The following PROM2 variants were observed in gnomAD, a reference collection of about 807,000 sequenced individuals.
PROM2 encodes prominin 2.
PROM2 carries 90 observed loss-of-function variants against 110.2 expected under a neutral mutation model. The ratio of observed to expected loss-of-function variants is 0.82; its 90% confidence interval spans 0.69 to 0.97. The LOEUF (loss-of-function observed/expected upper bound fraction) is 0.97. Among genes scored for constraint, PROM2 ranks in the 50% least tolerant of loss-of-function variants. The pLI is 0.00. For missense variants in PROM2, 1,009 were observed against 1,074.8 expected, an observed-to-expected ratio of 0.94 and a Z score of 0.86; for synonymous variants, 470 against 467.8, an observed-to-expected ratio of 1.00 and a Z score of -0.06.
At chr2:95,285,262 G>C in intron 15 of PROM2, 147 bp downstream of exon 15, 2 of 996,512 alleles carry the variant, frequency 2.0e-6, no homozygotes, top group Non-Finnish European at 2.9e-6. Context: ...GGTGTCCCCA[G>C]ATCATGTGCC....
chr2:95,286,879 G>A (rs1260375578), intron 18 of PROM2, 22 bp downstream of exon 18: 12 of 1,612,162 alleles, frequency 7.4e-6, no homozygotes, highest in South Asian at 6.6e-5. Flanking sequence ...TGGTGGGGAC[G>A]TATGGTGGAG....
chr2:95,286,596 TG>T, intron 17 of PROM2, 25 bp downstream of exon 17: 1 of 1,594,866 alleles, frequency 6.3e-7, no homozygotes, highest in Non-Finnish European at 8.6e-7. Context: ...CCGGGGAGCC[TG>T]GGGCCTGGGG....
At position 95,284,111 on chromosome 2, in the gene PROM2, G is replaced by C. The variant is rs558115070; in HGVS notation, c.1729-858G>C. ...CCAGGTCTTGGCATTTGGGGCAGGG[G>C]CCTACTGGGAGCCTGTCTGGGGCTT... On this transcript the variant is annotated intron_variant, in intron 14 of 23. Transcript: ENST00000317620. 9.8e-5 allele frequency among the ~76,000 whole-genome samples: 15 copies of C among 152,368 alleles called. No individual in the cohort carries two copies. The South Asian group carries it at 3.1e-3, about 32-fold the overall frequency.
At chr2:95,289,141 G>GGT in intron 23 of PROM2, 83 bp from the exon 24 acceptor site, 3 of 710,274 alleles carry the variant, frequency 4.2e-6, no homozygotes, top group Non-Finnish European at 7.4e-6. Context: ...CTGGGTATTG[G>GGT]GTGTGGCCCA....
At position 95,287,386 on chromosome 2, in the gene PROM2, C is replaced by T. The variant is rs1410871529; in HGVS notation, c.2176-10C>T. On this transcript the variant is annotated splice_polypyrimidine_tract_variant and intron_variant, in intron 19 of 23. Coordinates refer to ENST00000317620, the MANE Select transcript of PROM2 (RefSeq NM_001165978.3). ...ACCCCTACAGCTCAGACCTCCTTTC[C>T]TTCCTGCAGGTGAGTGAGTGTTTCC... The T allele has an allele frequency of 1.2e-6, 2 of 1,614,096 alleles. No individual in the cohort carries two copies. The highest frequency in any genetic ancestry group is 1.7e-6 in the Non-Finnish European group (2 of 1,179,984).
chr2:95,284,854 G>T, intron 14 of PROM2, 115 bp from the exon 15 acceptor site: 1 of 1,195,182 alleles, frequency 8.4e-7, no homozygotes, highest in Non-Finnish European at 1.1e-6. Flanking sequence ...CATGAAATTT[G>T]GAGGGGACAA....
At chr2:95,278,957 T>C (rs760571114) in intron 9 of PROM2, 28 bp from the exon 10 acceptor site, 2 of 1,595,812 alleles carry the variant, frequency 1.3e-6, no homozygotes, top group South Asian at 2.3e-5. Context: ...GCCCTCCGCA[T>C]CCCACAAGTC....
rs959677378 is a variant in PROM2 at position 95,275,296 on chromosome 2, G to A, written c.245-165G>A. Among the ~76,000 whole-genome samples, 6 of 152,250 alleles carry A rather than the reference G, an allele frequency of 3.9e-5. No homozygotes were observed. The highest frequency in any genetic ancestry group is 1.9e-4 in the East Asian group (1 of 5,186). On this transcript the variant is annotated intron_variant, in intron 1 of 23. Transcript: ENST00000317620. This position sits in a 1 kb window ranked among gnomAD's most constrained non-coding sequence, Gnocchi z 4.4. ...CCCTCCTGTAGCAGTGCTGAGGTCA[G>A]GGCAGGATGGCACAGGGCTGCGGTG...
At position 95,275,391 on chromosome 2, in the gene PROM2, T is replaced by C; in HGVS notation, c.245-70T>C. 1.4e-6 allele frequency: 2 copies of C among 1,467,238 alleles called. No homozygotes were observed. The highest frequency in any genetic ancestry group is 1.3e-5 in the South Asian group (1 of 77,664). 90.9% of individuals were successfully genotyped at this position (1,467,238 alleles called of 1,614,324 possible). On this transcript the variant is annotated intron_variant, in intron 1 of 23. Transcript: ENST00000317620. This position sits in a 1 kb window ranked among gnomAD's most constrained non-coding sequence, Gnocchi z 4.4. ...CCTCAGAGCCACTTTGCCCTGGCAG[T>C]GGGGAGAGGAGGGACACAGGGGCAG...
In PROM2 at chr2:95,275,600, C is replaced by T; in HGVS notation, c.294+90C>T. ...AAAAGCCTTGGCTCCCCTTAGCCCACCTCGCTGGGTGTCCACTAGGCAGGG... is the reference window on the plus strand; with the variant it reads ...AAAAGCCTTGGCTCCCCTTAGCCCATCTCGCTGGGTGTCCACTAGGCAGGG... On this transcript the variant is annotated intron_variant, in intron 2 of 23. Coordinates refer to ENST00000317620, the MANE Select transcript of PROM2 (RefSeq NM_001165978.3). This position sits in a 1 kb window ranked among gnomAD's most constrained non-coding sequence, Gnocchi z 4.4. The T allele has an allele frequency of 6.7e-7, 1 of 1,503,384 alleles. No homozygotes were observed. 93.1% of individuals were successfully genotyped at this position (1,503,384 alleles called of 1,614,324 possible).
rs1342500032 is a variant in PROM2, at chr2:95,285,005, A to C, written c.1765A>C (p.Lys589Gln). 1.2e-6 allele frequency: 2 copies of C among 1,608,460 alleles called. No individual in the cohort carries two copies. The highest frequency in any genetic ancestry group is 2.7e-5 in the African/African-American group (2 of 74,986). ...GCTACGGCAGGAGTTGCAGAGCCTG[A>C]AAGTAGACACACAGAGCCTGGACCT... ...NKLRQELQSLKVDTQSLDLLS... is the reference protein window; with the variant it reads ...NKLRQELQSLQVDTQSLDLLS... Residue 589 changes from lysine (K) to glutamine (Q), a missense_variant, in exon 15 of 24, where the codon AAA becomes CAA. Transcript: ENST00000317620.
chr2:95,278,777 G>C lies in PROM2; in HGVS notation c.1107G>C (p.Val369=). The C allele has an allele frequency of 6.2e-7, 1 of 1,614,062 alleles. No individual in the cohort carries two copies. The highest frequency in any genetic ancestry group is 1.1e-5 in the South Asian group (1 of 91,086). Residue 369 remains valine, a synonymous_variant, in exon 9 of 24, where the codon GTG becomes GTC. Transcript: ENST00000317620. The part of the protein sequence containing the change: ...PALAAMQTSS[V]VQELKKAVAQ... ...TGGCTGCCATGCAGACATCCAGCGT[G>C]GTGCAAGGTTAGGCCACACGGGTCA...
In PROM2 at chr2:95,284,983, A is replaced by G. The variant is rs1346846736; in HGVS notation, c.1743A>G (p.Leu581=). Residue 581 remains leucine (L), a synonymous_variant, in exon 15 of 24, where the codon CTA becomes CTG. Coordinates refer to ENST00000317620, the MANE Select transcript of PROM2 (RefSeq NM_001165978.3). Reference sequence around the variant, plus strand: ...TGCTCTCCCAGTATACCAACAAGCTACGGCAGGAGTTGCAGAGCCTGAAAG... The same window carrying G: ...TGCTCTCCCAGTATACCAACAAGCTGCGGCAGGAGTTGCAGAGCCTGAAAG... ...HLDINQYTNK[L]RQELQSLKVD... is the part of the protein sequence containing the mutation. The G allele has an allele frequency of 1.9e-6, 3 of 1,610,110 alleles. No individual in the cohort carries two copies. The African/African-American group carries it at 4.0e-5, about 22-fold the overall frequency.
chr2:95,276,997 G>T lies in PROM2; in HGVS notation c.708G>T (p.Ala236=). Residue 236 remains alanine, a synonymous_variant, in exon 6 of 24, where the codon GCG becomes GCT. Coordinates refer to ENST00000317620, the MANE Select transcript of PROM2 (RefSeq NM_001165978.3). The surrounding 1 kb of genome is among the most constrained non-coding windows in gnomAD (Gnocchi z 4.6). ...GTGTTGGTGTGAGCATTGGGAGCGCGATCCACACTCAGCTCAGGAGCTCCG... is the reference window on the plus strand; with the variant it reads ...GTGTTGGTGTGAGCATTGGGAGCGCTATCCACACTCAGCTCAGGAGCTCCG... The part of the protein sequence containing the change: ...LDGVGVSIGS[A]IHTQLRSSVY... 1 of 1,552,982 alleles carries T rather than the reference G, an allele frequency of 6.4e-7. No homozygotes were observed. Among genetic ancestry groups the T allele is most frequent in the Non-Finnish European group, 8.7e-7 (1 of 1,147,548 alleles).
In PROM2 at chr2:95,288,544, C is replaced by T. The variant is rs759251063; in HGVS notation, c.2396C>T (p.Ala799Val). 1.9e-6 allele frequency: 3 copies of T among 1,614,206 alleles called. No homozygotes were observed. Among genetic ancestry groups the T allele is most frequent in the South Asian group, 1.1e-5 (1 of 91,088 alleles). Residue 799 changes from alanine (A) to valine (V), a missense_variant, in exon 22 of 24, where the codon GCC (alanine) becomes GTC (valine). Coordinates refer to ENST00000317620, the MANE Select transcript of PROM2 (RefSeq NM_001165978.3). ...TTCCTGATCCCCAGCATCATCTTTG[C>T]CGTCAAGACCTCCAAATACTTCCGT... ...TFFLIPSIIF[A>V]VKTSKYFRPI...
intron 11 of PROM2, among the ~76,000 whole-genome samples, chr2:95,280,266 G>T (rs925270104): frequency 6.6e-6 from 1 of 152,188 alleles, no homozygotes; most frequent in African/African-American, 2.4e-5. Flanking sequence ...CCAATAGGCA[G>T]CAGCACCAGA....
intron 11 of PROM2, among the ~76,000 whole-genome samples, chr2:95,280,874 C>T (rs888130622): frequency 6.6e-6 from 1 of 152,210 alleles, no homozygotes; most frequent in Non-Finnish European, 1.5e-5. Flanking sequence ...TACTCCTGGA[C>T]TCAAGCTATC....
At position 95,288,277 on chromosome 2, in the gene PROM2, T is replaced by C; in HGVS notation, c.2311T>C (p.Cys771Arg). 6.2e-7 allele frequency: 1 copy of C among 1,614,078 alleles called. No individual in the cohort carries two copies. The highest frequency in any genetic ancestry group is 1.7e-5 in the Admixed American group (1 of 60,018). ...GALDNSRVILCDMMADPWNAF... is the reference protein window; with the variant it reads ...GALDNSRVILRDMMADPWNAF... ...CCTGGACAACAGCCGTGTGATCCTG[T>C]GTGACATGATGGCTGACCCCTGGGT... Residue 771 changes from cysteine (C) to arginine (R), a missense_variant, in exon 21 of 24, where the codon TGT (cysteine) becomes CGT (arginine). By Grantham distance (180) the Cys-to-Arg change is radical (BLOSUM62 -3). Transcript: ENST00000317620.
At position 95,276,311 on chromosome 2, in the gene PROM2, G is replaced by T. The variant is rs555756479; in HGVS notation, c.582G>T (p.Leu194=). 1 of 1,613,780 alleles carries T rather than the reference G, an allele frequency of 6.2e-7. No homozygotes were observed. The highest frequency in any genetic ancestry group is 8.5e-7 in the Non-Finnish European group (1 of 1,180,040). The change falls in exon 4 of 24, where the codon CTG becomes CTT. Residue 194 remains leucine (L), a synonymous_variant. Transcript: ENST00000317620. The surrounding 1 kb of genome is among the most constrained non-coding windows in gnomAD (Gnocchi z 4.6). ...GPSIEAMPET[L]LSLWGLVSDV... ...GCATCGAGGCCATGCCTGAGACCCT[G>T]CTCAGCCTCTGGGGCCTGGTCTCTG...
Sources: gnomAD v4.1 joint callset for allele counts (sites outside exome capture counted in the v4.1 genomes callset) on GRCh38, gnomAD v4.1.1 for gene constraint, Gnocchi (gnomAD v3.1) non-coding constraint, MANE v1.5 for transcripts, NCBI Gene and HGNC (gene_info 2026-07-23, HGNC 2026-07-21) for gene names.